The following CEP152 variants were observed in gnomAD, a reference collection of about 807,000 sequenced individuals.
The protein encoded by CEP152 is centrosomal protein of 152 kDa.
CEP152 carries 132 observed loss-of-function variants against 188.9 expected under a neutral mutation model. The observed-to-expected ratio is 0.70, with a 90% CI of 0.61 to 0.81. CEP152 has a LOEUF of 0.81. Among genes scored for constraint, CEP152 ranks in the 30% least tolerant of loss-of-function variants. The pLI, the probability that CEP152 is intolerant of heterozygous loss-of-function variation, is 0.00. For missense variants in CEP152, 1,914 were observed against 1,969.8 expected (o/e 0.97, Z 0.54); for synonymous variants, 649 against 666.6 (o/e 0.97, Z 0.41).
downstream of CEP152, among the ~76,000 whole-genome samples, chr15:48,735,750 T>TA (rs1892573805): frequency 6.6e-6 from 1 of 150,806 alleles, no homozygotes; most frequent in Non-Finnish European, 1.5e-5. Context: ...AAATAAATTT[T>TA]AAAAAAAAGA....
chr15:48,785,210 A>T (rs1352346468), intron 9 of CEP152, among the ~76,000 whole-genome samples: 1 of 152,244 alleles, frequency 6.6e-6, no homozygotes, highest in African/African-American at 2.4e-5. Flanking sequence ...GCACCAATAC[A>T]TAACTACCTT....
In CEP152 at chr15:48,803,657, T is replaced by C. The variant is rs566702479; in HGVS notation, c.87+1906A>G. Among the ~76,000 whole-genome samples the C allele has an allele frequency of 7.7e-4, 118 of 152,290 alleles. 1 individual carries two copies. Among genetic ancestry groups the C allele is most frequent in the African/African-American group, 2.8e-3 (115 of 41,548 alleles). The stretch of plus-strand genomic sequence containing the variant: ...ACAACTTTTCCCCTGAAATTCCCTA[T>C]CCCAGCATACAATCTATCAAAGAGG... On this transcript the variant is annotated intron_variant, in intron 2 of 26. Coordinates refer to ENST00000380950, the MANE Select transcript of CEP152 (RefSeq NM_001194998.2).
intron 15 of CEP152, 68 bp downstream of exon 15, chr15:48,768,151 G>C (rs1895260264): frequency 1.1e-6 from 1 of 892,616 alleles, no homozygotes; most frequent in Non-Finnish European, 1.9e-6. Flanking sequence ...TTTGTCACAG[G>C]GAAGGGCAGG....
At chr15:48,796,863 C>T (rs1043796442) in intron 5 of CEP152, among the ~76,000 whole-genome samples, 1 of 152,132 alleles carries the variant, frequency 6.6e-6, no homozygotes, top group African/African-American at 2.4e-5. Context: ...TCAGCTTTGA[C>T]ATGTTTAACC....
chr15:48,741,743 G>A (rs1445582660), intron 25 of CEP152, 39 bp from the exon 26 acceptor site: 2 of 1,612,916 alleles, frequency 1.2e-6, no homozygotes, highest in East Asian at 2.2e-5. Flanking sequence ...ATAGTTTAAA[G>A]GAAAAAATGA....
chr15:48,760,202 T>C lies in CEP152; in HGVS notation c.2627A>G (p.Tyr876Cys). 2 of 1,614,134 alleles carry C rather than the reference T, an allele frequency of 1.2e-6. No individual in the cohort carries two copies. Among genetic ancestry groups the C allele is most frequent in the Non-Finnish European group, 1.7e-6 (2 of 1,179,978 alleles). Residue 876 changes from tyrosine (Y) to cysteine (C), a missense_variant, in exon 19 of 27, where the codon TAT (tyrosine) becomes TGT (cysteine). By Grantham distance (194) the Tyr-to-Cys change is radical. Coordinates refer to ENST00000380950, the MANE Select transcript of CEP152 (RefSeq NM_001194998.2). Reference sequence around the variant, plus strand: ...CTGTTCTGCCTTCACAAGTGCTTGATACTCTGCCAGCTCTGGTAGTTCTCC... The same window carrying C: ...CTGTTCTGCCTTCACAAGTGCTTGACACTCTGCCAGCTCTGGTAGTTCTCC... Reference protein sequence around the residue: ...WLGELPELAEYQALVKAEQKK... With the variant: ...WLGELPELAECQALVKAEQKK...
chr15:48,754,135 G>C (rs1036155350), intron 20 of CEP152, among the ~76,000 whole-genome samples: 3 of 152,076 alleles, frequency 2.0e-5, no homozygotes, highest in Admixed American at 2.0e-4. Context: ...ACAAATTCCA[G>C]ATTAGGCATT....
chr15:48,792,346 T>C (rs1034895851), intron 7 of CEP152, among the ~76,000 whole-genome samples: 5 of 152,204 alleles, frequency 3.3e-5, no homozygotes, highest in Non-Finnish European at 5.9e-5. Flanking sequence ...CATACTTTGC[T>C]ATAACAGCTC....
intron 1 of CEP152, chr15:48,810,386 T>C (rs897880671): frequency 2.6e-5 from 4 of 152,252 alleles, no homozygotes; most frequent in Non-Finnish European, 4.4e-5. Flanking sequence ...AAAATAGACA[T>C]ATAAACAAAT....
At chr15:48,763,150 A>C (rs926334467) in intron 17 of CEP152, among the ~76,000 whole-genome samples, 14 of 152,376 alleles carry the variant, frequency 9.2e-5, no homozygotes, top group African/African-American at 3.4e-4. Flanking sequence ...GTTAAATTTT[A>C]CTAAGTAGAC....
intron 10 of CEP152, 67 bp downstream of exon 10, chr15:48,783,906 C>G: frequency 6.5e-7 from 1 of 1,541,176 alleles, no homozygotes; most frequent in Non-Finnish European, 9.0e-7. Context: ...AGTCATGGAT[C>G]CTACTACATT....
chr15:48,802,761 T>C (rs912080562), intron 2 of CEP152, among the ~76,000 whole-genome samples: 10 of 152,184 alleles, frequency 6.6e-5, no homozygotes, highest in Non-Finnish European at 1.3e-4. Context: ...AGGCACTTTC[T>C]CCCTTTGACC....
At position 48,805,675 on chromosome 15, in the gene CEP152, G is replaced by GT; in HGVS notation, c.-7-20dup. 6.2e-7 allele frequency: 1 copy of GT among 1,612,754 alleles called. No individual in the cohort carries two copies. Among genetic ancestry groups the GT allele is most frequent in the Non-Finnish European group, 8.5e-7 (1 of 1,179,374 alleles). On this transcript the variant is annotated intron_variant, in intron 1 of 26. Coordinates refer to ENST00000380950, the MANE Select transcript of CEP152 (RefSeq NM_001194998.2). ...GGTCCTCCTGTGGGAAGGGAAAGAT[G>GT]TTTGGTTTCTGGACACCACATAAAA...
At chr15:48,740,845 T>C in intron 26 of CEP152, 1 of 172,462 alleles carries the variant, frequency 5.8e-6, no homozygotes, top group Non-Finnish European at 1.2e-5. Context: ...GTTGCCCAGC[T>C]CAATATTGAG....
intron 12 of CEP152, among the ~76,000 whole-genome samples, chr15:48,777,707 A>T (rs561416581): frequency 1.3e-5 from 2 of 152,260 alleles, no homozygotes; most frequent in East Asian, 3.9e-4. Flanking sequence ...AAGAAATATA[A>T]AATATTTTAC....
intron 2 of CEP152, chr15:48,729,609 G>A (rs1892355159): frequency 6.6e-6 from 1 of 152,068 alleles, no homozygotes; most frequent in Non-Finnish European, 1.5e-5. Flanking sequence ...TCCTAAATAT[G>A]ACAATTGTAT....
rs988593036 is a variant in CEP152, at chr15:48,767,248, T to G, written c.2148-56A>C. The G allele has an allele frequency of 4.3e-6, 7 of 1,613,714 alleles. No homozygotes were observed. The African/African-American group carries it at 8.0e-5, about 18-fold the overall frequency. On this transcript the variant is annotated intron_variant, in intron 16 of 26. Coordinates refer to ENST00000380950, the MANE Select transcript of CEP152 (RefSeq NM_001194998.2). ...TTTAACCACAAAAAAATACAAGAGCTGCATAACAAACAATTTTCCTCTAAA... is the reference window on the plus strand; with the variant it reads ...TTTAACCACAAAAAAATACAAGAGCGGCATAACAAACAATTTTCCTCTAAA...
chr15:48,737,897 C>T (rs778987909), downstream of CEP152: 7 of 183,634 alleles, frequency 3.8e-5, no homozygotes, highest in Non-Finnish European at 8.0e-5. Context: ...GCCAATATGA[C>T]ATTTCTGTAT....
At chr15:48,774,335 A>G (rs1372312368) in intron 12 of CEP152, among the ~76,000 whole-genome samples, 4 of 152,176 alleles carry the variant, frequency 2.6e-5, no homozygotes, top group Non-Finnish European at 4.4e-5. Context: ...TCCTAATTTG[A>G]TGAAAATGAA....
Sources: allele counts gnomAD v4.1 joint callset (sites outside exome capture counted in the v4.1 genomes callset), GRCh38; gene constraint gnomAD v4.1.1; transcripts MANE v1.5; gene names NCBI Gene and HGNC (gene_info 2026-07-23, HGNC 2026-07-21).